SKAP1: variants seen among roughly 807,000 people sequenced by gnomAD.
SKAP1 encodes the protein src kinase associated phosphoprotein 1.
Under a neutral mutation model 58.5 loss-of-function variants are expected in SKAP1, and 44 were observed. The ratio of observed to expected loss-of-function variants is 0.75; its 90% confidence interval spans 0.59 to 0.97. The LOEUF (loss-of-function observed/expected upper bound fraction) is 0.97, where lower values mean the gene tolerates loss of function less well. Ranked by LOEUF, SKAP1 falls within the 50% of genes least tolerant of loss-of-function variation. The pLI, the probability that SKAP1 is intolerant of heterozygous loss-of-function variation, is 0.00. For synonymous variants in SKAP1, 127 were observed against 149.7 expected (o/e 0.85, Z 1.11); for missense variants, 390 against 435.2 (o/e 0.90, Z 0.92).
chr17:48,212,851 T>C (rs1035720650), intron 4 of SKAP1, among the ~76,000 whole-genome samples: 2 of 152,176 alleles, frequency 1.3e-5, no homozygotes, highest in African/African-American at 2.4e-5. Flanking sequence ...TAGAGAAACA[T>C]GGTGCTAAGG....
chr17:48,194,444 A>G (rs1461121869), intron 4 of SKAP1, among the ~76,000 whole-genome samples: 2 of 152,218 alleles, frequency 1.3e-5, no homozygotes, highest in South Asian at 2.1e-4. Context: ...AAAGCAGTCA[A>G]TAAAAAAGAC....
At chr17:48,316,420 C>T (rs899151343) in intron 4 of SKAP1, among the ~76,000 whole-genome samples, 4 of 152,188 alleles carry the variant, frequency 2.6e-5, no homozygotes, top group African/African-American at 9.7e-5. Context: ...CTTGATCTCT[C>T]ATTTCATTCA....
intron 4 of SKAP1, among the ~76,000 whole-genome samples, chr17:48,246,568 A>G (rs2065299461): frequency 6.6e-6 from 1 of 152,186 alleles, no homozygotes; most frequent in Non-Finnish European, 1.5e-5. Context: ...GGAGTTCTAG[A>G]GCTGGAAGAG....
intron 4 of SKAP1, among the ~76,000 whole-genome samples, chr17:48,281,286 A>G (rs570015623): frequency 1.6e-4 from 25 of 152,306 alleles, no homozygotes; most frequent in African/African-American, 5.1e-4. Flanking sequence ...GGCCTCTCAA[A>G]GTGCTAGAAT....
chr17:48,428,225 G>A (rs931884851), intron 1 of SKAP1, among the ~76,000 whole-genome samples: 5 of 151,406 alleles, frequency 3.3e-5, no homozygotes, highest in African/African-American at 9.7e-5. Flanking sequence ...ATTAACCAAC[G>A]AAGCTCCTTA....
chr17:48,388,998 A>C (rs556243690), intron 2 of SKAP1, among the ~76,000 whole-genome samples: 1 of 152,240 alleles, frequency 6.6e-6, no homozygotes, highest in Non-Finnish European at 1.5e-5. Flanking sequence ...AGTTTTCTGT[A>C]AATTATAATG....
At chr17:48,197,476 GCCAGGAGTTTGAGA>G (rs2064652898) in intron 4 of SKAP1, among the ~76,000 whole-genome samples, 1 of 152,022 alleles carries the variant, frequency 6.6e-6, no homozygotes, top group Non-Finnish European at 1.5e-5. Flanking sequence ...ATCACTTGAG[GCCAGGAGTTTGAGA>G]CCAGCCTGGC....
intron 4 of SKAP1, among the ~76,000 whole-genome samples, chr17:48,342,342 A>G (rs2066664425): frequency 6.6e-6 from 1 of 152,216 alleles, no homozygotes; most frequent in South Asian, 2.1e-4. Context: ...AGGTAGCAAC[A>G]GGCTCTCATT....
intron 4 of SKAP1, among the ~76,000 whole-genome samples, chr17:48,303,416 T>C (rs954421239): frequency 2.0e-5 from 3 of 152,244 alleles, no homozygotes; most frequent in Admixed American, 1.3e-4. Flanking sequence ...TTAATGCCTA[T>C]GCAATTCATC....
chr17:48,149,452 G>T (rs1025470511), intron 11 of SKAP1, among the ~76,000 whole-genome samples: 20 of 152,154 alleles, frequency 1.3e-4, no homozygotes, highest in Admixed American at 1.3e-3. Context: ...TTAAAGAAAT[G>T]AATAATTTAA....
intron 1 of SKAP1, among the ~76,000 whole-genome samples, chr17:48,406,694 T>C (rs1225245260): frequency 1.3e-5 from 2 of 152,074 alleles, no homozygotes; most frequent in African/African-American, 4.8e-5. Flanking sequence ...GCCTCCCAAG[T>C]AGCTGGGATT....
At chr17:48,346,345 C>A (rs542364167) in intron 3 of SKAP1, among the ~76,000 whole-genome samples, 3 of 152,226 alleles carry the variant, frequency 2.0e-5, no homozygotes, top group Admixed American at 6.5e-5. Context: ...TATATTCAGC[C>A]AGGCATGGTG....
At chr17:48,351,277 A>C (rs1306198776) in intron 3 of SKAP1, among the ~76,000 whole-genome samples, 1 of 152,196 alleles carries the variant, frequency 6.6e-6, no homozygotes, top group African/African-American at 2.4e-5. Flanking sequence ...TGCATTAGAA[A>C]ATGTACTGTG....
chr17:48,396,745 G>A lies in SKAP1; in HGVS notation c.87C>T (p.Asn29=), dbSNP rs527238283. ...EFLAEGLRNE[N]LSAVARDHRD... ...TGTGATCCCTTGCAACAGCGCTGAG[G>A]TTCTCATTCCGCAAACCTTCTGCCA... Residue 29 remains asparagine, a synonymous_variant, in exon 2 of 13, where the codon AAC becomes AAT. Transcript: ENST00000336915. The A allele has an allele frequency of 6.2e-7, 1 of 1,613,630 alleles. No homozygotes were observed. The highest frequency in any genetic ancestry group is 1.1e-5 in the South Asian group (1 of 91,058).
intron 4 of SKAP1, among the ~76,000 whole-genome samples, chr17:48,312,513 G>A (rs1256636812): frequency 3.9e-5 from 6 of 152,124 alleles, no homozygotes; most frequent in Admixed American, 6.5e-5. Context: ...TGTTCTTATT[G>A]TTTGTCCTTT....
intron 4 of SKAP1, among the ~76,000 whole-genome samples, chr17:48,338,952 GTTT>G (rs2066612650): frequency 1.3e-5 from 2 of 152,146 alleles, no homozygotes; most frequent in South Asian, 4.2e-4. Flanking sequence ...CTGAGTGACA[GTTT>G]ACTTACCCTT....
chr17:48,379,347 AAC>A (rs1878173364), intron 2 of SKAP1, among the ~76,000 whole-genome samples: 1 of 152,210 alleles, frequency 6.6e-6, no homozygotes, highest in Admixed American at 6.5e-5. Flanking sequence ...GAAAAATAAC[AAC>A]AGAATCCTAA....
chr17:48,221,650 G>A (rs961598264), intron 4 of SKAP1, among the ~76,000 whole-genome samples: 9 of 152,160 alleles, frequency 5.9e-5, no homozygotes, highest in African/African-American at 1.7e-4. Context: ...TGTTCGTGCC[G>A]CAAGAGAAAT....
At chr17:48,439,998 C>T in the SKAP1 span, among the ~76,000 whole-genome samples, 1 of 152,188 alleles carries the variant, frequency 6.6e-6, no homozygotes, top group South Asian at 2.1e-4. Flanking sequence ...CATCTCTTCC[C>T]CTTCCTCTTA....
Sources: gnomAD v4.1 joint callset for allele counts (sites outside exome capture counted in the v4.1 genomes callset) on GRCh38, gnomAD v4.1.1 for gene constraint, MANE v1.5 for transcripts, NCBI Gene and HGNC (gene_info 2026-07-23, HGNC 2026-07-21) for gene names.